GOLGA8A: variants seen among roughly 807,000 people sequenced by gnomAD.
The protein encoded by GOLGA8A is golgin subfamily A member 8A.
Under a neutral mutation model 22.1 loss-of-function variants are expected in GOLGA8A, and 3 were observed. The ratio of observed to expected loss-of-function variants is 0.14; its 90% confidence interval spans 0.06 to 0.35. The LOEUF (loss-of-function observed/expected upper bound fraction) is 0.35. Ranked by LOEUF, GOLGA8A falls within the 10% of genes least tolerant of loss-of-function variation. The pLI, the probability that GOLGA8A is intolerant of heterozygous loss-of-function variation, is 1.00. For synonymous variants in GOLGA8A, 7 were observed against 91.7 expected (o/e 0.08, Z 5.28); for missense variants, 16 against 233.2 (o/e 0.07, Z 6.07).
At chr15:34,431,499 G>T (rs977281246) in intron 2 of GOLGA8A, among the ~76,000 whole-genome samples, 1 of 147,502 alleles carries the variant, frequency 6.8e-6, no homozygotes, top group Non-Finnish European at 1.5e-5. Context: ...TAGAACATAC[G>T]TTATACAAAC....
At chr15:34,400,479 T>C (rs1227740138) in intron 6 of GOLGA8A, among the ~76,000 whole-genome samples, 1 of 151,414 alleles carries the variant, frequency 6.6e-6, no homozygotes, top group African/African-American at 2.4e-5. Context: ...CTGCCTGCCT[T>C]GGCCTCCCAA....
intron 1 of GOLGA8A, among the ~76,000 whole-genome samples, chr15:34,436,319 G>A (rs1300419286): frequency 2.0e-5 from 3 of 149,478 alleles, no homozygotes; most frequent in Non-Finnish European, 4.5e-5. Context: ...AAAACAAAGA[G>A]GCACAGAAGG....
chr15:34,431,343 A>ATCTATC (rs1566914036), intron 2 of GOLGA8A, among the ~76,000 whole-genome samples: 1 of 119,308 alleles, frequency 8.4e-6, no homozygotes, highest in Non-Finnish European at 1.8e-5. Flanking sequence ...ATATATATAT[A>ATCTATC]TATCTCACAC....
At chr15:34,425,083 T>C in intron 2 of GOLGA8A, among the ~76,000 whole-genome samples, 1 of 144,730 alleles carries the variant, frequency 6.9e-6, no homozygotes, top group East Asian at 2.1e-4. Context: ...TAAGACAGTC[T>C]CAAAAAATAA....
rs111868434 is a variant in GOLGA8A at position 34,432,202 on chromosome 15, C to A, written c.-1123+3181G>T. 1.3e-4 allele frequency among the ~76,000 whole-genome samples: 20 copies of A among 149,168 alleles called. 1 individual carries two copies. Among genetic ancestry groups the A allele is most frequent in the African/African-American group, 4.7e-4 (19 of 40,404 alleles). ...GCTAGCTCCCAGACCCTTTTCCCAT[C>A]GCTGTATAGGGCCCACGTCATCTGT... On this transcript the variant is annotated intron_variant, in intron 2 of 24. Transcript: ENST00000359187.
rs1361284965 is a variant in GOLGA8A at position 34,379,217 on chromosome 15, G to A, written c.*2194C>T. On this transcript the variant is annotated 3_prime_UTR_variant, in exon 25 of 25. Transcript: ENST00000359187. ...GTAAAATTCATTCTAAGAAAACTTG[G>A]CAAATAACGCTTTGGCCTGGAATTG... is the stretch of plus-strand genomic sequence containing the variant. The A allele has an allele frequency of 6.6e-6, 1 of 152,564 alleles. No individual in the cohort carries two copies. The highest frequency in any genetic ancestry group is 1.5e-5 in the Non-Finnish European group (1 of 68,030). The allele number at this position is 152,564 out of a possible 1,614,324, so 9.5% of individuals were successfully genotyped here. A position where few individuals can be genotyped will look rare whatever the true frequency, so the allele number is the denominator to read the frequency against.
rs1292664615 is a variant in GOLGA8A at position 34,426,013 on chromosome 15, TGGTCAC to T, written c.-1123+9364_-1123+9369del. Among the ~76,000 whole-genome samples, 4 of 145,580 alleles carry T rather than the reference TGGTCAC, an allele frequency of 2.7e-5. 1 individual carries two copies. The Admixed American group carries it at 2.9e-4, about 10-fold the overall frequency. On this transcript the variant is annotated intron_variant, in intron 2 of 24. Coordinates refer to ENST00000359187, the MANE Select transcript of GOLGA8A (RefSeq NM_181077.5). ...CCCCACACACTAGCATCATTTAGAA[TGGTCAC>T]CACCTGTCAAGAGAGCAATCTGGCA... is the stretch of plus-strand genomic sequence containing the variant.
Position 34,383,821 on chromosome 15 carries a change from C to CT in GOLGA8A, c.686dup (p.Arg230GlufsTer6). 3.2e-6 allele frequency: 1 copy of CT among 312,610 alleles called. No individual in the cohort carries two copies. The highest frequency in any genetic ancestry group is 5.4e-6 in the Non-Finnish European group (1 of 184,574). The allele number at this position is 312,610 out of a possible 1,614,324, so 19.4% of individuals were successfully genotyped here. ...TTATTTGTTCAGCATATTGATCTCT[C>CT]TCCAGCTGGACTTCTTTAAGCGACT... On this transcript the variant is annotated frameshift_variant, in exon 18 of 25. Coordinates refer to ENST00000359187, the MANE Select transcript of GOLGA8A (RefSeq NM_181077.5). LOFTEE classifies it high-confidence loss of function.
rs1421225020 is a variant in GOLGA8A, at chr15:34,379,784, T to G, written c.*1627A>C. 3.3e-5 allele frequency: 5 copies of G among 152,680 alleles called. No homozygotes were observed. Among genetic ancestry groups the G allele is most frequent in the African/African-American group, 9.6e-5 (4 of 41,468 alleles). 9.5% of individuals were successfully genotyped at this position (152,680 alleles called of 1,614,324 possible). A position where few individuals can be genotyped will look rare whatever the true frequency, so the allele number is the denominator to read the frequency against. ...AACTTCATGAAGTTTTAACTGTTGA[T>G]TCTTTCCCAAGCATCATCAAGTTAT... On this transcript the variant is annotated 3_prime_UTR_variant, in exon 25 of 25. Coordinates refer to ENST00000359187, the MANE Select transcript of GOLGA8A (RefSeq NM_181077.5).
chr15:34,400,789 G>C (rs1892031390), intron 5 of GOLGA8A, 30 bp from the exon 6 acceptor site: 1 of 145,686 alleles, frequency 6.9e-6, no homozygotes, highest in Admixed American at 6.9e-5. Flanking sequence ...AGAAAATACT[G>C]ACATTAGGGT....
intron 5 of GOLGA8A, among the ~76,000 whole-genome samples, chr15:34,400,991 T>C (rs1892043579): frequency 1.1e-5 from 1 of 87,448 alleles, no homozygotes; most frequent in African/African-American, 3.7e-5. Flanking sequence ...TTATCTAGAT[T>C]CCATTAACAT....
chr15:34,430,919 C>T (rs994844924), intron 2 of GOLGA8A, among the ~76,000 whole-genome samples: 1 of 149,270 alleles, frequency 6.7e-6, no homozygotes, highest in African/African-American at 2.5e-5. Flanking sequence ...CCCCACTGCA[C>T]CACACCCGTG....
rs1226344496 is a variant in GOLGA8A, at chr15:34,437,471, TCGCCG to T, written c.-1290_-1286del. On this transcript the variant is annotated 5_prime_UTR_variant, in exon 1 of 25. Transcript: ENST00000359187. The stretch of plus-strand genomic sequence containing the variant: ...CGCCGTCCTCGCCGCGCCGCCGTCC[TCGCCG>T]CGCCGCCGTCCTCGCCGCGCCGCCG... 3.7e-5 allele frequency: 3 copies of T among 80,894 alleles called. No individual in the cohort carries two copies. The highest frequency in any genetic ancestry group is 5.8e-5 in the African/African-American group (1 of 17,096). The allele number at this position is 80,894 out of a possible 1,614,324, so 5.0% of individuals were successfully genotyped here. A position where few individuals can be genotyped will look rare whatever the true frequency, so the allele number is the denominator to read the frequency against.
intron 2 of GOLGA8A, among the ~76,000 whole-genome samples, chr15:34,430,490 C>G (rs117818880): frequency 0.094 from 13,985 of 148,896 alleles, 1,739 homozygotes; most frequent in South Asian, 0.25. Flanking sequence ...CCCACTCAGT[C>G]CTGCCTCAGG....
At position 34,437,436 on chromosome 15, in the gene GOLGA8A, CT is replaced by C. The variant is rs1263048145; in HGVS notation, c.-1251del. ...GGGGCTGCCCCGGTCCGCCGCCGTC[CT>C]CGCCGCGCCGCCGTCCTCGCCGCGC... On this transcript the variant is annotated 5_prime_UTR_variant, in exon 1 of 25. Coordinates refer to ENST00000359187, the MANE Select transcript of GOLGA8A (RefSeq NM_181077.5). 2 of 139,334 alleles carry C rather than the reference CT, an allele frequency of 1.4e-5. No homozygotes were observed. The highest frequency in any genetic ancestry group is 2.6e-5 in the African/African-American group (1 of 38,322). The allele number at this position is 139,334 out of a possible 1,614,324, so 8.6% of individuals were successfully genotyped here.
chr15:34,410,995 GCTGGTGCTCACCCA>G (rs1892408470), intron 2 of GOLGA8A, among the ~76,000 whole-genome samples: 1 of 53,686 alleles, frequency 1.9e-5, no homozygotes, highest in African/African-American at 6.0e-5. Context: ...ACGTGGGGGT[GCTGGTGCTCACCCA>G]CTGCTGCGGC....
At chr15:34,424,467 T>A (rs183441560) in intron 2 of GOLGA8A, among the ~76,000 whole-genome samples, 2 of 144,202 alleles carry the variant, frequency 1.4e-5, no homozygotes, top group Admixed American at 1.4e-4. Context: ...ACCATTTACA[T>A]CACCAGAGAG....
At chr15:34,431,312 CATATATATATATATATATATAT>C (rs1157766795) in intron 2 of GOLGA8A, among the ~76,000 whole-genome samples, 4 of 45,734 alleles carry the variant, frequency 8.7e-5, no homozygotes, top group African/African-American at 2.4e-4. Flanking sequence ...TATATATATA[CATATATATATATATATATATAT>C]ATATATATAT....
At position 34,380,074 on chromosome 15, in the gene GOLGA8A, A is replaced by G. The variant is rs1179082921; in HGVS notation, c.*1337T>C. ...CTTCTCCTTGATTTTCAAAGATAAT[A>G]TAATACTGTCTACTAAAATTCCTTT... is the stretch of plus-strand genomic sequence containing the variant. On this transcript the variant is annotated 3_prime_UTR_variant, in exon 25 of 25. Transcript: ENST00000359187. 2 of 152,702 alleles carry G rather than the reference A, an allele frequency of 1.3e-5. No homozygotes were observed. The highest frequency in any genetic ancestry group is 2.4e-5 in the African/African-American group (1 of 41,588). The allele number at this position is 152,702 out of a possible 1,614,324, so 9.5% of individuals were successfully genotyped here.
Sources: gnomAD v4.1 joint callset for allele counts (sites outside exome capture counted in the v4.1 genomes callset) on GRCh38, gnomAD v4.1.1 for gene constraint, MANE v1.5 for transcripts, NCBI Gene and HGNC (gene_info 2026-07-23, HGNC 2026-07-21) for gene names.